Variants in PGS1 observed in about 807,000 individuals in gnomAD.
PGS1 encodes the protein phosphatidylglycerophosphate synthase 1.
A neutral mutation model predicts 58.3 loss-of-function variants in PGS1; 44 were observed. The observed-to-expected ratio is 0.75, with a 90% CI of 0.59 to 0.97. The LOEUF (loss-of-function observed/expected upper bound fraction) is 0.97, where lower values mean the gene tolerates loss of function less well. Among genes scored for constraint, PGS1 ranks in the 50% least tolerant of loss-of-function variants. PGS1 has a pLI of 0.00. For synonymous variants in PGS1, 330 were observed against 311.0 expected (o/e 1.06, Z -0.64); for missense variants, 684 against 731.1 (o/e 0.94, Z 0.74).
chr17:78,398,055 C>T, intron 3 of PGS1, 197 bp from the exon 4 acceptor site: 1 of 653,346 alleles, frequency 1.5e-6, no homozygotes, highest in South Asian at 1.5e-5. Context: ...CGATCAGGCC[C>T]CTGGGTGCTT....
chr17:78,412,205 C>T (rs2084774349), intron 7 of PGS1, among the ~76,000 whole-genome samples: 1 of 152,090 alleles, frequency 6.6e-6, no homozygotes, highest in African/African-American at 2.4e-5. Context: ...AGGTGCTTGA[C>T]TCATGCTGTC....
chr17:78,418,393 C>T (rs1355292421), intron 8 of PGS1, among the ~76,000 whole-genome samples: 1 of 152,196 alleles, frequency 6.6e-6, no homozygotes, highest in Non-Finnish European at 1.5e-5. Flanking sequence ...CACGGAGGCA[C>T]AGCTTTAAGC....
intron 2 of PGS1, among the ~76,000 whole-genome samples, chr17:78,395,879 C>T (rs1181804434): frequency 6.6e-6 from 1 of 152,200 alleles, no homozygotes; most frequent in African/African-American, 2.4e-5. Flanking sequence ...GCTGGGATTA[C>T]AGGCACGCGC....
chr17:78,397,710 G>A (rs1211135094), intron 3 of PGS1, among the ~76,000 whole-genome samples: 4 of 152,092 alleles, frequency 2.6e-5, no homozygotes, highest in Non-Finnish European at 4.4e-5. Flanking sequence ...GCTGGGATTA[G>A]AGGCCTGAGC....
intron 6 of PGS1, among the ~76,000 whole-genome samples, chr17:78,402,421 TATATATAC>T (rs1307618804): frequency 0.025 from 81 of 3,242 alleles, no homozygotes; most frequent in African/African-American, 0.086. Context: ...TATATATATA[TATATATAC>T]ACACACACAC....
intron 7 of PGS1, among the ~76,000 whole-genome samples, chr17:78,410,715 G>A (rs1311615308): frequency 2.6e-5 from 4 of 151,930 alleles, no homozygotes; most frequent in African/African-American, 9.7e-5. Context: ...CTTGTGATCT[G>A]CCCGCCTTGG....
intron 1 of PGS1, among the ~76,000 whole-genome samples, chr17:78,389,271 C>G (rs2082636481): frequency 6.6e-6 from 1 of 151,758 alleles, no homozygotes; most frequent in Admixed American, 6.6e-5. Flanking sequence ...ACTGCAACCT[C>G]CGCCTCCCAG....
chr17:78,398,104 T>G, intron 3 of PGS1, 148 bp from the exon 4 acceptor site: 1 of 733,988 alleles, frequency 1.4e-6, no homozygotes, highest in Non-Finnish European at 2.5e-6. Context: ...ACAGATAGCT[T>G]TTGTGGTGTT....
At chr17:78,383,725 A>G (rs2082193453) in intron 1 of PGS1, among the ~76,000 whole-genome samples, 1 of 152,230 alleles carries the variant, frequency 6.6e-6, no homozygotes, top group South Asian at 2.1e-4. Context: ...GATATTTAGA[A>G]TCAAAGCATA....
Position 78,384,581 on chromosome 17 carries a change from ACCGTGAATGT to A in PGS1, c.143+5774_143+5783del, listed in dbSNP as rs549849894. ...ATGGGCTCCAGGCCACAGAGTCTGT[ACCGTGAATGT>A]ACCTTACGGTTAAAGAAGGGCCCCT... On this transcript the variant is annotated intron_variant, in intron 1 of 9. Coordinates refer to ENST00000262764, the MANE Select transcript of PGS1 (RefSeq NM_024419.5). Among the ~76,000 whole-genome samples, 13 of 152,192 alleles carry A rather than the reference ACCGTGAATGT, an allele frequency of 8.5e-5. No homozygotes were observed. The East Asian group carries it at 2.3e-3, about 27-fold the overall frequency.
chr17:78,420,101 G>A, intron 9 of PGS1: 1 of 1,045,774 alleles, frequency 9.6e-7, no homozygotes, highest in Non-Finnish European at 1.2e-6. Context: ...TCGTGAGAGT[G>A]GCTCTGGCTT....
At chr17:78,412,291 C>G (rs2084781345) in intron 7 of PGS1, among the ~76,000 whole-genome samples, 1 of 152,098 alleles carries the variant, frequency 6.6e-6, no homozygotes, top group African/African-American at 2.4e-5. Context: ...GATTGCAGTG[C>G]AAATAATTCT....
At chr17:78,412,009 A>G (rs2146295282) in intron 7 of PGS1, among the ~76,000 whole-genome samples, 1 of 140,218 alleles carries the variant, frequency 7.1e-6, no homozygotes, top group African/African-American at 2.7e-5. Flanking sequence ...GACCTCTGTA[A>G]GGGCTTTTAG....
chr17:78,422,228 A>T (rs183246769), intron 9 of PGS1, among the ~76,000 whole-genome samples: 251 of 152,024 alleles, frequency 1.7e-3, no homozygotes, highest in African/African-American at 5.9e-3. Flanking sequence ...CAGCAGAGGT[A>T]TTGGCCCAGC....
chr17:78,385,692 G>A (rs2082335447), intron 1 of PGS1, among the ~76,000 whole-genome samples: 1 of 152,236 alleles, frequency 6.6e-6, no homozygotes, highest in African/African-American at 2.4e-5. Context: ...AAAGTGCTGG[G>A]ATTACAGCCG....
At chr17:78,405,878 A>G (rs1190575305) in intron 7 of PGS1, among the ~76,000 whole-genome samples, 4 of 152,080 alleles carry the variant, frequency 2.6e-5, no homozygotes, top group Non-Finnish European at 4.4e-5. Flanking sequence ...GGGGGCCTCC[A>G]TGGATGGGGA....
chr17:78,416,867 G>T lies in PGS1; in HGVS notation c.1551+1840G>T, dbSNP rs147155207. On this transcript the variant is annotated intron_variant, in intron 8 of 9. Transcript: ENST00000262764. ...GTCCCTAGAGGCCAAATCCTGCTGG[G>T]ACTGCCCAGCCTCTAGCCTCCCCAC... is the stretch of plus-strand genomic sequence containing the variant. 1.4e-3 allele frequency among the ~76,000 whole-genome samples: 212 copies of T among 152,280 alleles called. 2 individuals are homozygous for T. In the East Asian group the frequency reaches 0.036, roughly 26 times the overall value.
chr17:78,411,375 G>T, intron 7 of PGS1, among the ~76,000 whole-genome samples: 1 of 152,312 alleles, frequency 6.6e-6, no homozygotes, highest in South Asian at 2.1e-4. Flanking sequence ...AGGGGCAGGC[G>T]TCCTTTCTGA....
At position 78,423,949 on chromosome 17, in the gene PGS1, G is replaced by T. The variant is rs143246806; in HGVS notation, c.*11-112G>T. ...CGCCACGGCTGCCAGGATCCACTTCGCTGCCTTCTCTTTGGTCTTCAAGTT... is the reference window on the plus strand; with the variant it reads ...CGCCACGGCTGCCAGGATCCACTTCTCTGCCTTCTCTTTGGTCTTCAAGTT... On this transcript the variant is annotated intron_variant, in intron 9 of 9. Transcript: ENST00000262764. The T allele has an allele frequency of 1.9e-4, 314 of 1,613,858 alleles. 1 individual carries two copies. The highest frequency in any genetic ancestry group is 2.5e-4 in the Non-Finnish European group (299 of 1,179,884).
Sources: allele counts gnomAD v4.1 joint callset (sites outside exome capture counted in the v4.1 genomes callset), GRCh38; gene constraint gnomAD v4.1.1; transcripts MANE v1.5; gene names NCBI Gene and HGNC (gene_info 2026-07-23, HGNC 2026-07-21).